Variants in SRRM3 observed in about 807,000 individuals in gnomAD.
The protein encoded by SRRM3 is serine/arginine repetitive matrix protein 3.
In SRRM3, 27 loss-of-function variants were observed where a neutral mutation model predicts 66.2. The observed-to-expected ratio is 0.41, with a 90% CI of 0.30 to 0.56. The LOEUF is 0.56. Among genes scored for constraint, SRRM3 ranks in the 20% least tolerant of loss-of-function variants. The pLI is 0.32. For synonymous variants in SRRM3, 391 were observed against 414.9 expected (o/e 0.94, Z 0.70); for missense variants, 918 against 991.9 (o/e 0.93, Z 1.00).
intron 11 of SRRM3, among the ~76,000 whole-genome samples, chr7:76,276,971 C>T (rs1335504992): frequency 6.6e-6 from 1 of 152,232 alleles, no homozygotes; most frequent in Non-Finnish European, 1.5e-5. Context: ...CCTCATTTTA[C>T]CAATGGGGAA....
intron 1 of SRRM3, among the ~76,000 whole-genome samples, chr7:76,217,188 G>A (rs138325918): frequency 6.6e-6 from 1 of 152,300 alleles, no homozygotes; most frequent in Admixed American, 6.5e-5. Context: ...CAGGGACTCA[G>A]AGCCCAGCTC....
Position 76,287,178 on chromosome 7 carries a change from G to C in SRRM3, c.*1335G>C, listed in dbSNP as rs1034769057. On this transcript the variant is annotated 3_prime_UTR_variant, in exon 15 of 15. Coordinates refer to ENST00000611745, the MANE Select transcript of SRRM3 (RefSeq NM_001110199.3). The stretch of plus-strand genomic sequence containing the variant: ...GCAGATGCCCCGGGCTCCAGTGGGG[G>C]GAGGGGTCTGGGGTCTGGTCCGGGT... 9 of 152,854 alleles carry C rather than the reference G, an allele frequency of 5.9e-5. No homozygotes were observed. The highest frequency in any genetic ancestry group is 2.2e-4 in the African/African-American group (9 of 41,472). The allele number at this position is 152,854 out of a possible 1,614,324, so 9.5% of individuals were successfully genotyped here. A position where few individuals can be genotyped will look rare whatever the true frequency, so the allele number is the denominator to read the frequency against.
chr7:76,282,595 C>T (rs1382566044), intron 12 of SRRM3, 53 bp from the exon 13 acceptor site: 1 of 1,069,446 alleles, frequency 9.4e-7, no homozygotes, highest in Non-Finnish European at 1.3e-6. Flanking sequence ...TCCCCGCCCC[C>T]AGCCCCCTTT....
chr7:76,260,431 C>T (rs1166092408), intron 5 of SRRM3, among the ~76,000 whole-genome samples: 1 of 118,560 alleles, frequency 8.4e-6, no homozygotes, highest in Admixed American at 9.0e-5. Flanking sequence ...CCCTCCCCTT[C>T]GCTAGGTTCC....
intron 3 of SRRM3, among the ~76,000 whole-genome samples, chr7:76,255,225 C>G (rs1376335751): frequency 7.2e-6 from 1 of 138,034 alleles, no homozygotes; most frequent in Non-Finnish European, 1.5e-5. Flanking sequence ...TCTTGGCTCA[C>G]TGCAACCTCC....
Position 76,265,424 on chromosome 7 carries a change from C to G in SRRM3, c.786C>G (p.Ser262Arg). ...SHRHSSGSSH[S>R]PSLSSHYSDS... ...GCCATAGCAGTGGCAGCTCCCACAG[C>G]CCCTCCCTCTCCTCCCACTACAGTG... The change falls in exon 10 of 15, where the codon AGC (serine) becomes AGG (arginine). Residue 262 changes from serine to arginine, a missense_variant. Coordinates refer to ENST00000611745, the MANE Select transcript of SRRM3 (RefSeq NM_001110199.3). 1 of 1,606,266 alleles carries G rather than the reference C, an allele frequency of 6.2e-7. No individual in the cohort carries two copies. The highest frequency in any genetic ancestry group is 1.1e-5 in the South Asian group (1 of 89,270).
chr7:76,214,932 C>T (rs1283036808), intron 1 of SRRM3, among the ~76,000 whole-genome samples: 3 of 151,636 alleles, frequency 2.0e-5, no homozygotes, highest in African/African-American at 7.3e-5. Context: ...TCCTCCATCC[C>T]CAAGGGCTGT....
At chr7:76,215,793 ATT>A (rs35624440) in intron 1 of SRRM3, among the ~76,000 whole-genome samples, 3 of 96,824 alleles carry the variant, frequency 3.1e-5, no homozygotes, top group African/African-American at 5.0e-5. Flanking sequence ...CACCTGGCTA[ATT>A]TTTTTTTTTT....
rs782117041 is a variant in SRRM3, at chr7:76,261,387, A to C, written c.611A>C (p.Lys204Thr). 7 of 1,595,896 alleles carry C rather than the reference A, an allele frequency of 4.4e-6. No individual in the cohort carries two copies. The highest frequency in any genetic ancestry group is 6.0e-6 in the Non-Finnish European group (7 of 1,171,630). The change falls in exon 7 of 15, where the codon AAG becomes ACG. Residue 204 changes from lysine (K) to threonine (T), a missense_variant. Lys to Thr is a moderately conservative substitution (Grantham distance 78). Coordinates refer to ENST00000611745, the MANE Select transcript of SRRM3 (RefSeq NM_001110199.3). The stretch of plus-strand genomic sequence containing the variant: ...TCCTCACCCCTCCGCAAGAAGAAGA[A>C]GAGTGTGAAGAAGCATCGCCGAGAC... ...GSSSPLRKKK[K>T]SVKKHRRDRS...
In SRRM3 at chr7:76,264,759, C is replaced by T. The variant is rs1554609235; in HGVS notation, c.675-6C>T. The T allele has an allele frequency of 1.2e-6, 2 of 1,613,808 alleles. No homozygotes were observed. The highest frequency in any genetic ancestry group is 2.2e-5 in the South Asian group (2 of 91,078). ...ACACCATCACTGTGGTCTCTGCTCTCTGCAGATCTCGAAGCTCCAAGTGCA... is the reference window on the plus strand; with the variant it reads ...ACACCATCACTGTGGTCTCTGCTCTTTGCAGATCTCGAAGCTCCAAGTGCA... On this transcript the variant is annotated splice_region_variant and splice_polypyrimidine_tract_variant and intron_variant, in intron 8 of 14. Coordinates refer to ENST00000611745, the MANE Select transcript of SRRM3 (RefSeq NM_001110199.3).
chr7:76,282,570 C>G, intron 12 of SRRM3, 78 bp from the exon 13 acceptor site: 2 of 593,408 alleles, frequency 3.4e-6, no homozygotes, highest in Non-Finnish European at 5.1e-6. Flanking sequence ...CCCTAAGCCC[C>G]GCCCCAGGGA....
intron 1 of SRRM3, among the ~76,000 whole-genome samples, chr7:76,203,305 G>A (rs1554600805): frequency 6.6e-6 from 1 of 152,184 alleles, no homozygotes; most frequent in African/African-American, 2.4e-5. Flanking sequence ...TGGGTTGGGA[G>A]TCATGGACTC....
At position 76,204,598 on chromosome 7, in the gene SRRM3, C is replaced by T. The variant is rs537066969; in HGVS notation, c.-40+2531C>T. Among the ~76,000 whole-genome samples, 6 of 152,288 alleles carry T rather than the reference C, an allele frequency of 3.9e-5. No individual in the cohort carries two copies. In the South Asian group the frequency reaches 8.3e-4, roughly 21 times the overall value. ...CAGGCTCCCCAGGGCGAGAATCAAT[C>T]CAGGCACTGTAGGCCAGTGAGTGTT... On this transcript the variant is annotated intron_variant, in intron 1 of 14. Coordinates refer to ENST00000611745, the MANE Select transcript of SRRM3 (RefSeq NM_001110199.3).
chr7:76,249,977 C>T (rs10267367), intron 3 of SRRM3, among the ~76,000 whole-genome samples: 4,600 of 152,176 alleles, frequency 0.03, 225 homozygotes, highest in African/African-American at 0.1. Context: ...TGCTGTTCCG[C>T]TATCCCAGCA....
Position 76,286,604 on chromosome 7 carries a change from C to T in SRRM3, c.*761C>T, listed in dbSNP as rs1455324068. On this transcript the variant is annotated 3_prime_UTR_variant, in exon 15 of 15. Transcript: ENST00000611745. ...CTCACCCCATGCCCTGGGCCAAGGT[C>T]CTACCAGCCATGACTACTGCATGAC... 6.6e-6 allele frequency: 1 copy of T among 152,388 alleles called. No homozygotes were observed. The highest frequency in any genetic ancestry group is 1.5e-5 in the Non-Finnish European group (1 of 68,210). 9.4% of individuals were successfully genotyped at this position (152,388 alleles called of 1,614,324 possible).
intron 8 of SRRM3, 104 bp from the exon 9 acceptor site, chr7:76,264,661 G>A (rs1003836004): frequency 1.6e-6 from 2 of 1,248,418 alleles, no homozygotes; most frequent in Non-Finnish European, 2.3e-6. Flanking sequence ...AGGCCCTAGA[G>A]TGGAACAAAT....
intron 11 of SRRM3, chr7:76,273,032 T>A (rs748066402): frequency 6.6e-6 from 1 of 152,310 alleles, no homozygotes; most frequent in Non-Finnish European, 1.5e-5. Context: ...CGATTGGCCT[T>A]GTTTAAACAG....
At chr7:76,265,339 G>A (rs781817646) in intron 9 of SRRM3, 25 bp from the exon 10 acceptor site, 9 of 1,570,178 alleles carry the variant, frequency 5.7e-6, no homozygotes, top group Non-Finnish European at 6.9e-6. Context: ...TTGAGGTACA[G>A]GCTGATTTCC....
intron 1 of SRRM3, among the ~76,000 whole-genome samples, chr7:76,203,059 C>T (rs79479469): frequency 0.036 from 5,485 of 152,286 alleles, 234 homozygotes; most frequent in East Asian, 0.14. Flanking sequence ...TGGGCTTTGA[C>T]GGAGAGACGT....
Sources: gnomAD v4.1 joint callset for allele counts (sites outside exome capture counted in the v4.1 genomes callset) on GRCh38, gnomAD v4.1.1 for gene constraint, MANE v1.5 for transcripts, NCBI Gene and HGNC (gene_info 2026-07-23, HGNC 2026-07-21) for gene names.